Variants in DDIT3 observed in about 807,000 individuals in gnomAD.
DDIT3 encodes DNA damage inducible transcript 3, also known as DNA damage-inducible transcript 3 protein.
A neutral mutation model predicts 17.6 loss-of-function variants in DDIT3; 14 were observed. The ratio of observed to expected loss-of-function variants is 0.80; its 90% CI spans 0.53 to 1.25. DDIT3 has a LOEUF of 1.25. Ranked by LOEUF, DDIT3 falls within the 50% of genes most tolerant of loss-of-function variation. The probability of loss-of-function intolerance (pLI) is 0.00; values close to 1 mark genes in which losing one functional copy is unlikely to be tolerated. For missense variants in DDIT3, 216 were observed against 202.7 expected (o/e 1.07, Z -0.40); for synonymous variants, 93 against 76.5 (o/e 1.22, Z -1.13).
At chr12:57,517,600 A>G (rs953770825) in intron 2 of DDIT3, 106 bp downstream of exon 2, 13 of 718,686 alleles carry the variant, frequency 1.8e-5, no homozygotes, top group Non-Finnish European at 3.1e-5. Context: ...TTGGTGCTAC[A>G]GTGGCAGAGA....
At chr12:57,520,138 T>G (rs936155598) in intron 1 of DDIT3, among the ~76,000 whole-genome samples, 1 of 152,212 alleles carries the variant, frequency 6.6e-6, no homozygotes, top group Non-Finnish European at 1.5e-5. Context: ...AGGCCTGAAG[T>G]TGGCTACGGG....
intron 2 of DDIT3, 120 bp from the exon 3 acceptor site, chr12:57,517,558 A>G (rs955955607): frequency 1.1e-5 from 11 of 1,046,180 alleles, no homozygotes; most frequent in African/African-American, 1.6e-5. Context: ...ATACAGCCAC[A>G]TCTGTTTATT....
chr12:57,518,519 A>C (rs543164299), intron 1 of DDIT3, among the ~76,000 whole-genome samples: 53 of 152,226 alleles, frequency 3.5e-4, no homozygotes, highest in Non-Finnish European at 6.8e-4. Context: ...ACTATGTGCA[A>C]AGGCAAACTC....
Position 57,516,645 on chromosome 12 carries a change from T to G in DDIT3, c.*164A>C. The G allele has an allele frequency of 2.6e-6, 4 of 1,527,202 alleles. No homozygotes were observed. The highest frequency in any genetic ancestry group is 3.5e-6 in the Non-Finnish European group (4 of 1,141,154). 94.6% of individuals were successfully genotyped at this position (1,527,202 alleles called of 1,614,324 possible). On this transcript the variant is annotated 3_prime_UTR_variant, in exon 4 of 4. Coordinates refer to ENST00000346473, the MANE Select transcript of DDIT3 (RefSeq NM_004083.6). ...GACAGTAATAAATAAATGTACAATC[T>G]CTATATACAAGCTGAGACCTTTCCT... is the stretch of plus-strand genomic sequence containing the variant.
At chr12:57,519,398 C>G in intron 1 of DDIT3, 1 of 367,222 alleles carries the variant, frequency 2.7e-6, no homozygotes, top group South Asian at 2.0e-5. Flanking sequence ...TTTCCTCTTG[C>G]TCAAGGATGT....
chr12:57,518,510 CTA>C (rs1282090022), intron 1 of DDIT3, among the ~76,000 whole-genome samples: 2 of 152,192 alleles, frequency 1.3e-5, no homozygotes, highest in African/African-American at 4.8e-5. Context: ...GCACCTAAGA[CTA>C]TGTGCAAAGG....
Position 57,517,700 on chromosome 12 carries a change from G to A in DDIT3, c.-33+6C>T. Reference sequence around the variant, plus strand: ...AAATTTTTGGAAAAGGGTAGGTTAAGTTTACCTGCTTTCAGGTGTGGTGAT... The same window carrying A: ...AAATTTTTGGAAAAGGGTAGGTTAAATTTACCTGCTTTCAGGTGTGGTGAT... On this transcript the variant is annotated splice_donor_region_variant and intron_variant, in intron 2 of 3. Coordinates refer to ENST00000346473, the MANE Select transcript of DDIT3 (RefSeq NM_004083.6). 3.5e-6 allele frequency: 2 copies of A among 566,130 alleles called. No homozygotes were observed. The highest frequency in any genetic ancestry group is 4.6e-4 in the Middle Eastern group (1 of 2,160). The allele number at this position is 566,130 out of a possible 1,614,324, so 35.1% of individuals were successfully genotyped here.
intron 1 of DDIT3, among the ~76,000 whole-genome samples, chr12:57,518,072 C>T (rs562695658): frequency 1.3e-5 from 2 of 152,248 alleles, no homozygotes; most frequent in South Asian, 4.1e-4. Flanking sequence ...TGATCCATCG[C>T]TTCCCAAAGT....
At chr12:57,519,037 A>G (rs1162113883) in intron 1 of DDIT3, 5 of 520,358 alleles carry the variant, frequency 9.6e-6, no homozygotes, top group Admixed American at 2.0e-5. Flanking sequence ...CATTGTTTCC[A>G]ATCTAGATCA....
At chr12:57,517,466 C>T in intron 2 of DDIT3, 28 bp from the exon 3 acceptor site, 2 of 1,599,832 alleles carry the variant, frequency 1.3e-6, no homozygotes, top group Non-Finnish European at 1.7e-6. Flanking sequence ...GTGGCTGGAA[C>T]AAGCTCCATG....
chr12:57,519,133 CT>C (rs765193079), intron 1 of DDIT3: 3 of 533,040 alleles, frequency 5.6e-6, no homozygotes, highest in Non-Finnish European at 1.2e-5. Context: ...CTCCGCAACT[CT>C]ATTCACCATA....
In DDIT3 at chr12:57,517,349, C is replaced by T; in HGVS notation, c.58G>A (p.Ala20Thr). The change falls in exon 3 of 4, where the codon GCC (alanine) becomes ACC (threonine). Residue 20 changes from alanine (A) to threonine (T), a missense_variant. Transcript: ENST00000346473. ...FGTLSSWELE[A>T]WYEDLQEVLS... ...ACCTCTTGCAGGTCCTCATACCAGG[C>T]TTCCAGCTCCCAGCTGGACAGTGTC... 1 of 1,613,808 alleles carries T rather than the reference C, an allele frequency of 6.2e-7. No individual in the cohort carries two copies. The highest frequency in any genetic ancestry group is 1.6e-4 in the Middle Eastern group (1 of 6,062).
chr12:57,516,784 G>C lies in DDIT3; in HGVS notation c.*25C>G, dbSNP rs1174546664. The C allele has an allele frequency of 1.9e-6, 3 of 1,601,376 alleles. No individual in the cohort carries two copies. Among genetic ancestry groups the C allele is most frequent in the Admixed American group, 1.7e-5 (1 of 59,632 alleles). The stretch of plus-strand genomic sequence containing the variant: ...GGGAAAGGTGGGTAGTGTGGCCCAA[G>C]TGGGGGACTGATGCTCCCAATTGTT... On this transcript the variant is annotated 3_prime_UTR_variant, in exon 4 of 4. Transcript: ENST00000346473.
chr12:57,516,648 A>G lies in DDIT3; in HGVS notation c.*161T>C, dbSNP rs946870956. ...AGTAATAAATAAATGTACAATCTCT[A>G]TATACAAGCTGAGACCTTTCCTTTT... On this transcript the variant is annotated 3_prime_UTR_variant, in exon 4 of 4. Coordinates refer to ENST00000346473, the MANE Select transcript of DDIT3 (RefSeq NM_004083.6). 441 of 1,526,872 alleles carry G rather than the reference A, an allele frequency of 2.9e-4. 1 individual carries two copies. The highest frequency in any genetic ancestry group is 3.7e-4 in the Non-Finnish European group (425 of 1,140,750). 94.6% of individuals were successfully genotyped at this position (1,526,872 alleles called of 1,614,324 possible).
intron 2 of DDIT3, 107 bp downstream of exon 2, chr12:57,517,599 C>T: frequency 1.4e-6 from 1 of 729,040 alleles, no homozygotes; most frequent in Non-Finnish European, 2.3e-6. Flanking sequence ...TTTGGTGCTA[C>T]AGTGGCAGAG....
intron 2 of DDIT3, 31 bp from the exon 3 acceptor site, chr12:57,517,469 G>GC: frequency 6.3e-7 from 1 of 1,599,256 alleles, no homozygotes; most frequent in Non-Finnish European, 8.5e-7. Flanking sequence ...GCTGGAACAA[G>GC]CTCCATGTAG....
chr12:57,517,030 C>T lies in DDIT3; in HGVS notation c.289G>A (p.Glu97Lys), dbSNP rs1877908236. ...QSSLAQEEEE[E>K]DQGRTRKRKQ... is the part of the protein sequence containing the mutation. ...CGTTTCCTGGTTCTCCCTTGGTCTT[C>T]CTCCTCTTCCTCCTGAGCCAGGGAG... The change falls in exon 4 of 4, where the codon GAA (glutamate) becomes AAA (lysine). Residue 97 changes from glutamate to lysine, a missense_variant. Glu to Lys is a moderately conservative substitution (Grantham distance 56). Transcript: ENST00000346473. 1.9e-6 allele frequency: 3 copies of T among 1,614,148 alleles called. No individual in the cohort carries two copies. Among genetic ancestry groups the T allele is most frequent in the Non-Finnish European group, 2.5e-6 (3 of 1,180,026 alleles).
rs1379950651 is a variant in DDIT3, at chr12:57,516,955, C to A, written c.364G>T (p.Glu122Ter). 3 of 1,613,822 alleles carry A rather than the reference C, an allele frequency of 1.9e-6. No individual in the cohort carries two copies. Among genetic ancestry groups the A allele is most frequent in the Non-Finnish European group, 2.5e-6 (3 of 1,179,996 alleles). The change falls in exon 4 of 4, where the codon GAG becomes TAG. Residue 122 changes from glutamate to a stop codon, truncating the protein, a stop_gained. Transcript: ENST00000346473. LOFTEE classifies it high-confidence loss of function. ...PARAGKQRMK[E>*]KEQENERKVA... is the part of the protein sequence containing the mutation. ...TTCCTTTCATTCTCCTGTTCTTTCT[C>A]CTTCATGCGCTGCTTTCCAGCCCGG...
intron 1 of DDIT3, chr12:57,519,177 A>G: frequency 1.9e-6 from 1 of 533,496 alleles, no homozygotes. Flanking sequence ...AAAACAGGTC[A>G]TTCCTCTGCT....
Sources: allele counts gnomAD v4.1 joint callset (sites outside exome capture counted in the v4.1 genomes callset), GRCh38; gene constraint gnomAD v4.1.1; transcripts MANE v1.5; gene names NCBI Gene and HGNC (gene_info 2026-07-23, HGNC 2026-07-21).